Variants in MPP3 observed in about 807,000 individuals in gnomAD.
MPP3 encodes MAGUK p55 subfamily member 3.
MPP3 carries 48 observed loss-of-function variants against 80.7 expected under a neutral mutation model. The ratio of observed to expected loss-of-function variants is 0.59; its 90% CI spans 0.47 to 0.76. MPP3 has a LOEUF of 0.76. Among genes scored for constraint, MPP3 ranks in the 30% least tolerant of loss-of-function variants. The pLI is 0.00. For missense variants in MPP3, 620 were observed against 763.0 expected (o/e 0.81, Z 2.21); for synonymous variants, 311 against 297.6 (o/e 1.04, Z -0.46).
At chr17:43,803,345 G>A (rs1396929797) in intron 19 of MPP3, among the ~76,000 whole-genome samples, 3 of 152,186 alleles carry the variant, frequency 2.0e-5, no homozygotes, top group Non-Finnish European at 4.4e-5. Flanking sequence ...AAGAACTTAA[G>A]TAAATCTCTA....
Position 43,810,837 on chromosome 17 carries a change from GT to G in MPP3, c.1427del (p.Asn476ThrfsTer13). On this transcript the variant is annotated frameshift_variant, in exon 18 of 20. Transcript: ENST00000398389. LOFTEE classifies it high-confidence loss of function. ...GCTCCACATCCACCAAACAAACTTT[GT>G]TTTTGGCCATAACAGCCTGAATGGC... ...LEAIQAVMAK[N>X]KVCLVDVEPE... 6.2e-7 allele frequency: 1 copy of G among 1,609,728 alleles called. No individual in the cohort carries two copies. Among genetic ancestry groups the G allele is most frequent in the Admixed American group, 1.7e-5 (1 of 58,620 alleles).
intron 7 of MPP3, 50 bp downstream of exon 7, chr17:43,829,604 T>C: frequency 6.3e-7 from 1 of 1,596,402 alleles, no homozygotes; most frequent in Non-Finnish European, 8.5e-7. Flanking sequence ...TGGGTGGGGG[T>C]GAGAGGCAGG....
chr17:43,819,857 G>A (rs1481304459), intron 11 of MPP3, among the ~76,000 whole-genome samples: 4 of 151,690 alleles, frequency 2.6e-5, no homozygotes, highest in Non-Finnish European at 4.4e-5. Flanking sequence ...AGCACAGTAA[G>A]GAAACAAACT....
rs1392907621 is a variant in MPP3, at chr17:43,818,586, G to A, written c.882-476C>T. The stretch of plus-strand genomic sequence containing the variant: ...GGCAGACTGTCCAATGTGGCCATGA[G>A]TGGAGAGGTGGGGCTCTCAGAGGTC... On this transcript the variant is annotated intron_variant, in intron 11 of 19. Transcript: ENST00000398389. Among the ~76,000 whole-genome samples, 4 of 152,262 alleles carry A rather than the reference G, an allele frequency of 2.6e-5. No individual in the cohort carries two copies. In the East Asian group the frequency reaches 5.8e-4, roughly 22 times the overall value.
chr17:43,826,388 G>T (rs967263524), intron 8 of MPP3, among the ~76,000 whole-genome samples: 29 of 152,194 alleles, frequency 1.9e-4, no homozygotes, highest in African/African-American at 7.0e-4. Flanking sequence ...GCATCACCTG[G>T]AGGCAGGTTA....
Position 43,816,671 on chromosome 17 carries a change from G to A in MPP3, c.967+6C>T. 6.3e-7 allele frequency: 1 copy of A among 1,575,020 alleles called. No homozygotes were observed. Among genetic ancestry groups the A allele is most frequent in the Non-Finnish European group, 8.6e-7 (1 of 1,159,644 alleles). ...CCTGTGGACAGCGGATAGATACTGG[G>A]CCTACCTTTGTCACAAGGCTGATCA... is the stretch of plus-strand genomic sequence containing the variant. On this transcript the variant is annotated splice_donor_region_variant and intron_variant, in intron 13 of 19. Coordinates refer to ENST00000398389, the MANE Select transcript of MPP3 (RefSeq NM_001932.6).
At position 43,814,027 on chromosome 17, in the gene MPP3, A is replaced by G. The variant is rs763996609; in HGVS notation, c.1239T>C (p.Phe413=). 1.2e-6 allele frequency: 2 copies of G among 1,612,950 alleles called. No homozygotes were observed. The highest frequency in any genetic ancestry group is 1.7e-6 in the Non-Finnish European group (2 of 1,179,354). ...QKVVAENPQH[F]GVAVPHTTRP... ...CCCTCTTACGTGGAACAGCGACGCC[A>G]AAGTGCTGTGGGTTCTCAGCCACCA... The change falls in exon 16 of 20, where the codon TTT becomes TTC. Residue 413 remains phenylalanine, a synonymous_variant. Coordinates refer to ENST00000398389, the MANE Select transcript of MPP3 (RefSeq NM_001932.6).
chr17:43,804,811 T>C (rs1266927413), intron 19 of MPP3, among the ~76,000 whole-genome samples: 1 of 151,980 alleles, frequency 6.6e-6, no homozygotes, highest in East Asian at 1.9e-4. Flanking sequence ...AGGTCAGGAG[T>C]TCGAGACCAG....
chr17:43,809,987 TTGATCAATAAAG>T (rs1209883176), intron 18 of MPP3, among the ~76,000 whole-genome samples: 1 of 152,200 alleles, frequency 6.6e-6, no homozygotes, highest in Non-Finnish European at 1.5e-5. Context: ...ATCTGCACCC[TTGATCAATAAAG>T]TGATCAATAA....
In MPP3 at chr17:43,808,992, AG is replaced by A. The variant is rs751535710; in HGVS notation, c.1544del (p.Pro515LeufsTer27). The A allele has an allele frequency of 6.2e-7, 1 of 1,610,608 alleles. No individual in the cohort carries two copies. Among genetic ancestry groups the A allele is most frequent in the South Asian group, 1.1e-5 (1 of 90,104 alleles). On this transcript the variant is annotated frameshift_variant, in exon 19 of 20. Coordinates refer to ENST00000398389, the MANE Select transcript of MPP3 (RefSeq NM_001932.6). LOFTEE classifies it high-confidence loss of function. ...CTGTGTCCTCACAAGCTGGGGACAT[AG>A]GTGGCGTTTTTCTTTTTTCCTGAAT... Reference protein sequence around the residue: ...PAIQEKRKTPPMSPACEDTAA... With the variant: ...PAIQEKRKTPXMSPACEDTAA...
At position 43,816,140 on chromosome 17, in the gene MPP3, C is replaced by A. The variant is rs961481231; in HGVS notation, c.968-61G>T. The A allele has an allele frequency of 4.2e-6, 6 of 1,431,130 alleles. No individual in the cohort carries two copies. The African/African-American group carries it at 7.4e-5, about 18-fold the overall frequency. The allele number at this position is 1,431,130 out of a possible 1,614,324, so 88.7% of individuals were successfully genotyped here. A position where few individuals can be genotyped will look rare whatever the true frequency, so the allele number is the denominator to read the frequency against. Reference sequence around the variant, plus strand: ...CCCACCAGACACATCCGGCCCAGGGCACCCAGCCCCTGGATGGCCAGGCAG... The same window carrying A: ...CCCACCAGACACATCCGGCCCAGGGAACCCAGCCCCTGGATGGCCAGGCAG... On this transcript the variant is annotated intron_variant, in intron 13 of 19. Transcript: ENST00000398389.
At position 43,815,112 on chromosome 17, in the gene MPP3, C is replaced by A. The variant is rs560735253; in HGVS notation, c.1010-751G>T. Among the ~76,000 whole-genome samples, 3 of 152,316 alleles carry A rather than the reference C, an allele frequency of 2.0e-5. No individual in the cohort carries two copies. In the East Asian group the frequency reaches 5.8e-4, roughly 29 times the overall value. On this transcript the variant is annotated intron_variant, in intron 14 of 19. Coordinates refer to ENST00000398389, the MANE Select transcript of MPP3 (RefSeq NM_001932.6). ...CTTTGGTAGGCCAAGGCAGGCAGATCACTTGATCTCAGGAGTTCAAGACCA... is the reference window on the plus strand; with the variant it reads ...CTTTGGTAGGCCAAGGCAGGCAGATAACTTGATCTCAGGAGTTCAAGACCA...
At chr17:43,804,949 T>C (rs1449460105) in intron 19 of MPP3, among the ~76,000 whole-genome samples, 1 of 152,018 alleles carries the variant, frequency 6.6e-6, no homozygotes, top group East Asian at 1.9e-4. Flanking sequence ...ACCTGGGAGC[T>C]GGAGGTTGCA....
rs1192894891 is a variant in MPP3, at chr17:43,831,655, C to T, written c.48G>A (p.Leu16=). ...EDSGLHETLA[L]LTSQLRPDSN... Reference sequence around the variant, plus strand: ...AGTCAGGTCTGAGCTGGGAGGTCAGCAGGGCCAGGGTTTCATGCAAACCTG... The same window carrying T: ...AGTCAGGTCTGAGCTGGGAGGTCAGTAGGGCCAGGGTTTCATGCAAACCTG... Residue 16 remains leucine, a synonymous_variant, in exon 4 of 20, where the codon CTG becomes CTA. Coordinates refer to ENST00000398389, the MANE Select transcript of MPP3 (RefSeq NM_001932.6). 8 of 1,612,376 alleles carry T rather than the reference C, an allele frequency of 5.0e-6. No individual in the cohort carries two copies. Among genetic ancestry groups the T allele is most frequent in the Middle Eastern group, 3.3e-4 (2 of 5,980 alleles).
intron 19 of MPP3, among the ~76,000 whole-genome samples, chr17:43,807,527 C>T (rs2044671088): frequency 6.6e-6 from 1 of 151,770 alleles, no homozygotes; most frequent in South Asian, 2.1e-4. Flanking sequence ...ACCAAGTTGC[C>T]CAGGCTGGTC....
At position 43,818,066 on chromosome 17, in the gene MPP3, TG is replaced by T; in HGVS notation, c.925del (p.Gln309ArgfsTer61). 3 of 1,581,824 alleles carry T rather than the reference TG, an allele frequency of 1.9e-6. No homozygotes were observed. Among genetic ancestry groups the T allele is most frequent in the Non-Finnish European group, 2.6e-6 (3 of 1,163,090 alleles). On this transcript the variant is annotated frameshift_variant, in exon 12 of 20. Coordinates refer to ENST00000398389, the MANE Select transcript of MPP3 (RefSeq NM_001932.6). LOFTEE classifies it high-confidence loss of function. Reference sequence around the variant, plus strand: ...CTCACAGGGGGGCTTCCTGAGGCTCTGGGGGCTCGGCAGGGTGCCCGCGGCT... The same window carrying T: ...CTCACAGGGGGGCTTCCTGAGGCTCTGGGGCTCGGCAGGGTGCCCGCGGCT... ...RRAAGTLPSP[Q>X]SLRKPPYDQP...
chr17:43,821,364 A>T (rs2045452503), intron 10 of MPP3, among the ~76,000 whole-genome samples: 1 of 152,226 alleles, frequency 6.6e-6, no homozygotes, highest in Non-Finnish European at 1.5e-5. Flanking sequence ...GCCTCTTAGC[A>T]TACACACAGC....
intron 5 of MPP3, 94 bp downstream of exon 5, chr17:43,831,150 C>T (rs1340452294): frequency 8.6e-6 from 10 of 1,162,042 alleles, no homozygotes; most frequent in Non-Finnish European, 1.2e-5. Flanking sequence ...CTCCTGATTC[C>T]CGGTGTCCCC....
chr17:43,814,095 G>A lies in MPP3; in HGVS notation c.1175-4C>T. The A allele has an allele frequency of 6.2e-7, 1 of 1,610,848 alleles. No individual in the cohort carries two copies. Among genetic ancestry groups the A allele is most frequent in the East Asian group, 2.2e-5 (1 of 44,776 alleles). On this transcript the variant is annotated splice_polypyrimidine_tract_variant and splice_region_variant and intron_variant, in intron 15 of 19. Transcript: ENST00000398389. ...TGCAGTCGGGCTCCCAGAGACCCTG[G>A]GAAACAAGAAGAAGGCTGACCAGGG...
Sources: allele counts gnomAD v4.1 joint callset (sites outside exome capture counted in the v4.1 genomes callset), GRCh38; gene constraint gnomAD v4.1.1; transcripts MANE v1.5; gene names NCBI Gene and HGNC (gene_info 2026-07-23, HGNC 2026-07-21).